The following DHCR7 variants were observed in gnomAD, a reference collection of about 807,000 sequenced individuals.
The protein encoded by DHCR7 is 7-DHC reductase.
DHCR7 carries 40 observed loss-of-function variants against 43.3 expected under a neutral mutation model. The observed-to-expected ratio is 0.92, with a 90% CI of 0.72 to 1.20. The LOEUF (loss-of-function observed/expected upper bound fraction) is 1.20, where lower values mean the gene tolerates loss of function less well. Ranked by LOEUF, DHCR7 falls within the 50% of genes most tolerant of loss-of-function variation. The pLI is 0.00. For missense variants in DHCR7, 608 were observed against 644.6 expected (o/e 0.94, Z 0.62); for synonymous variants, 298 against 271.4 (o/e 1.10, Z -0.96).
At chr11:71,430,969 AC>A (rs1476592279), downstream of DHCR7, among the ~76,000 whole-genome samples, 4 of 152,230 alleles carry the variant, frequency 2.6e-5, no homozygotes, top group African/African-American at 9.6e-5. Flanking sequence ...AGCCTGACCA[AC>A]ATGGAGAAAC....
intron 2 of DHCR7, chr11:71,428,927 A>C (rs1949214243): frequency 6.6e-6 from 3 of 451,452 alleles, no homozygotes; most frequent in South Asian, 4.7e-5. Context: ...AATAATAACC[A>C]TGTAATTCAA....
At chr11:71,445,706 A>T (rs965465567) in intron 2 of DHCR7, among the ~76,000 whole-genome samples, 1 of 152,210 alleles carries the variant, frequency 6.6e-6, no homozygotes, top group Non-Finnish European at 1.5e-5. Context: ...GAATGTCTCT[A>T]GGTACCCACA....
At chr11:71,441,782 A>G (rs986768223) in intron 5 of DHCR7, among the ~76,000 whole-genome samples, 2 of 152,044 alleles carry the variant, frequency 1.3e-5, no homozygotes, top group African/African-American at 4.8e-5. Context: ...CCCCCTCTGT[A>G]ATTGTTGGGG....
chr11:71,442,133 G>C, intron 5 of DHCR7, 130 bp downstream of exon 5: 1 of 769,418 alleles, frequency 1.3e-6, no homozygotes, highest in Admixed American at 2.1e-5. Flanking sequence ...CTGGTGCTGT[G>C]AAAAATCCAA....
In DHCR7 at chr11:71,441,087, A is replaced by T. The variant is rs1949342409; in HGVS notation, c.626+140T>A. 17 of 799,614 alleles carry T rather than the reference A, an allele frequency of 2.1e-5. No homozygotes were observed. In the South Asian group the frequency reaches 2.5e-4, roughly 12 times the overall value. The allele number at this position is 799,614 out of a possible 1,614,324, so 49.5% of individuals were successfully genotyped here. ...TCAGAAAGGATGTTCCCCAGGGTGA[A>T]GCAAGTTCCATCCCCCTCCTCCTCT... is the stretch of plus-strand genomic sequence containing the variant. On this transcript the variant is annotated intron_variant, in intron 6 of 8. Transcript: ENST00000355527.
chr11:71,442,743 T>C (rs1591112508), intron 4 of DHCR7, among the ~76,000 whole-genome samples: 1 of 152,178 alleles, frequency 6.6e-6, no homozygotes, highest in Non-Finnish European at 1.5e-5. Flanking sequence ...CGCAGCGTTG[T>C]CCTCCTGAGC....
Position 71,435,756 on chromosome 11 carries a change from G to GT in DHCR7, c.1046dup (p.Tyr349Ter). 6.2e-7 allele frequency: 1 copy of GT among 1,611,194 alleles called. No individual in the cohort carries two copies. Among genetic ancestry groups the GT allele is most frequent in the South Asian group, 1.1e-5 (1 of 91,062 alleles). The change falls in exon 9 of 9, where the codon TAC (tyrosine) becomes TAAC (stop). Residue 349 changes from tyrosine (Y) to a stop codon, truncating the protein, a stop_gained and frameshift_variant. Transcript: ENST00000355527. LOFTEE classifies it high-confidence loss of function. ...TCTGGTGGTTGGCCACCCGGAAGAT[G>GT]TAGTAGCCCACCAGGCCCAGCAGCA... Reference protein sequence around the residue: ...GVLLLGLVGYYIFRVANHQKD... With the variant: ...GVLLLGLVGY
At chr11:71,444,834 G>C (rs772843437) in intron 3 of DHCR7, 21 bp downstream of exon 3, 2 of 1,605,990 alleles carry the variant, frequency 1.2e-6, no homozygotes, top group Non-Finnish European at 1.7e-6. Context: ...TTCTAGCTGG[G>C]AGAACAGGCA....
At chr11:71,430,603 C>G (rs76346843), downstream of DHCR7, among the ~76,000 whole-genome samples, 3 of 152,214 alleles carry the variant, frequency 2.0e-5, no homozygotes, top group African/African-American at 7.2e-5. Context: ...TTTCTGGGTA[C>G]TCACACTAGC....
chr11:71,435,249 G>A lies in DHCR7; in HGVS notation c.*126C>T. 9.9e-7 allele frequency: 1 copy of A among 1,008,266 alleles called. No individual in the cohort carries two copies. The highest frequency in any genetic ancestry group is 1.5e-6 in the Non-Finnish European group (1 of 647,520). 62.5% of individuals were successfully genotyped at this position (1,008,266 alleles called of 1,614,324 possible). A position where few individuals can be genotyped will look rare whatever the true frequency, so the allele number is the denominator to read the frequency against. On this transcript the variant is annotated 3_prime_UTR_variant, in exon 9 of 9. Transcript: ENST00000355527. ...AGGTACTGGACACCTGCCAAGTGCT[G>A]GGCTCTCTCCAGTTTACAGATGAGG... is the stretch of plus-strand genomic sequence containing the variant.
chr11:71,441,368 G>A lies in DHCR7; in HGVS notation c.485C>T (p.Ala162Val), dbSNP rs398123606. ...GGGCGAGAACCAGGACAGGAGATGA[G>A]CGTTTGCAAACCAGAGCAGGTGCGT... is the stretch of plus-strand genomic sequence containing the variant. ...LLTHLLWFAN[A>V]HLLSWFSPTI... is the part of the protein sequence containing the mutation. The change falls in exon 6 of 9, where the codon GCT (alanine) becomes GTT (valine). Residue 162 changes from alanine to valine, a missense_variant. Physicochemically the swap from Ala to Val is moderately conservative, Grantham distance 64. Transcript: ENST00000355527. 3.6e-5 allele frequency: 58 copies of A among 1,614,242 alleles called. No homozygotes were observed. In the Admixed American group the frequency reaches 7.3e-4, roughly 20 times the overall value.
chr11:71,430,236 C>A (rs1949221595), downstream of DHCR7, among the ~76,000 whole-genome samples: 1 of 152,204 alleles, frequency 6.6e-6, no homozygotes, highest in Non-Finnish European at 1.5e-5. Flanking sequence ...CCTGATAATG[C>A]AGGGTTTTTC....
At chr11:71,443,226 T>C (rs1282540045) in intron 4 of DHCR7, among the ~76,000 whole-genome samples, 2 of 152,228 alleles carry the variant, frequency 1.3e-5, no homozygotes, top group Non-Finnish European at 2.9e-5. Flanking sequence ...TCCTGCTTTG[T>C]GGCTATTTGT....
chr11:71,428,882 A>C (rs1471090032), intron 2 of DHCR7: 1 of 456,124 alleles, frequency 2.2e-6, no homozygotes, highest in African/African-American at 2.0e-5. Context: ...TTCTTTCTCA[A>C]GACAGAGTGG....
intron 2 of DHCR7, among the ~76,000 whole-genome samples, chr11:71,446,679 C>T (rs1408365943): frequency 1.3e-5 from 2 of 152,200 alleles, no homozygotes; most frequent in Admixed American, 6.5e-5. Context: ...AAAATTTCAA[C>T]GATGAAAGAC....
intron 7 of DHCR7, chr11:71,438,656 C>T (rs1007536786): frequency 1.6e-6 from 1 of 615,668 alleles, no homozygotes; most frequent in Non-Finnish European, 2.9e-6. Flanking sequence ...CGCCTGGCTG[C>T]GTAGAACCTG....
chr11:71,442,184 A>G, intron 5 of DHCR7, 79 bp downstream of exon 5: 1 of 1,075,962 alleles, frequency 9.3e-7, no homozygotes, highest in Admixed American at 2.0e-5. Flanking sequence ...TTAGGGACAA[A>G]GCAGCGCTGG....
chr11:71,437,053 G>C (rs1239828690), intron 8 of DHCR7, among the ~76,000 whole-genome samples: 1 of 152,130 alleles, frequency 6.6e-6, no homozygotes, highest in Non-Finnish European at 1.5e-5. Context: ...GTGAGCATGG[G>C]GCCAGCTGGG....
At chr11:71,429,553 C>T (rs116284933), downstream of DHCR7, among the ~76,000 whole-genome samples, 275 of 152,210 alleles carry the variant, frequency 1.8e-3, 2 homozygotes, top group African/African-American at 6.3e-3. Context: ...TGGAACGTGG[C>T]GTGAGGGAGG....
Sources: gnomAD v4.1 joint callset for allele counts (sites outside exome capture counted in the v4.1 genomes callset) on GRCh38, gnomAD v4.1.1 for gene constraint, MANE v1.5 for transcripts, NCBI Gene and HGNC (gene_info 2026-07-23, HGNC 2026-07-21) for gene names.